The following CHCHD3 variants were observed in gnomAD, a reference collection of about 807,000 sequenced individuals.
CHCHD3 encodes coiled-coil-helix-coiled-coil-helix domain containing 3.
Under a neutral mutation model 38.2 loss-of-function variants are expected in CHCHD3, and 20 were observed. The observed-to-expected ratio is 0.52, with a 90% CI of 0.37 to 0.76. CHCHD3 has a LOEUF of 0.76. Ranked by LOEUF, CHCHD3 falls within the 30% of genes least tolerant of loss-of-function variation. CHCHD3 has a pLI of 0.00. For missense variants in CHCHD3, 245 were observed against 279.2 expected (o/e 0.88, Z 0.87); for synonymous variants, 82 against 100.0 (o/e 0.82, Z 1.07).
At chr7:132,887,408 T>G (rs1353864805) in intron 4 of CHCHD3, among the ~76,000 whole-genome samples, 4 of 151,342 alleles carry the variant, frequency 2.6e-5, no homozygotes, top group Non-Finnish European at 5.9e-5. Flanking sequence ...AAAGACCTCT[T>G]TAAATTCAAC....
chr7:132,942,099 C>T (rs577219841), intron 4 of CHCHD3, among the ~76,000 whole-genome samples: 22 of 152,044 alleles, frequency 1.4e-4, no homozygotes, highest in Admixed American at 5.2e-4. Flanking sequence ...CCTGCTGGGT[C>T]CCTATACAAT....
intron 4 of CHCHD3, among the ~76,000 whole-genome samples, chr7:132,957,164 A>T (rs1464259561): frequency 2.0e-5 from 3 of 152,116 alleles, no homozygotes; most frequent in Admixed American, 6.5e-5. Flanking sequence ...GCTGGTTCTG[A>T]CTCTTTCGGT....
chr7:132,989,342 C>A (rs186947843), intron 3 of CHCHD3, among the ~76,000 whole-genome samples: 1 of 150,250 alleles, frequency 6.7e-6, no homozygotes. Flanking sequence ...TTTTAATTCA[C>A]AATAAAATTT....
chr7:132,802,575 A>C (rs2117038363), intron 6 of CHCHD3, among the ~76,000 whole-genome samples: 1 of 152,302 alleles, frequency 6.6e-6, no homozygotes, highest in East Asian at 1.9e-4. Flanking sequence ...GAAGTCAGAC[A>C]TTTGGTATGA....
At chr7:133,013,222 A>G (rs963779311) in intron 3 of CHCHD3, among the ~76,000 whole-genome samples, 3 of 150,714 alleles carry the variant, frequency 2.0e-5, no homozygotes, top group Non-Finnish European at 4.4e-5. Flanking sequence ...AGACAGACAT[A>G]TAATAGGTAA....
chr7:133,059,513 A>T (rs1006927984), intron 2 of CHCHD3, among the ~76,000 whole-genome samples: 1 of 152,222 alleles, frequency 6.6e-6, no homozygotes, highest in African/African-American at 2.4e-5. Context: ...TGTCAAGTCT[A>T]CACAGATGAT....
chr7:132,828,447 T>C (rs1416687518), intron 6 of CHCHD3, among the ~76,000 whole-genome samples: 2 of 152,268 alleles, frequency 1.3e-5, no homozygotes, highest in African/African-American at 4.8e-5. Context: ...AATGATGTCT[T>C]AAGATGGGCA....
At chr7:132,886,768 T>C (rs894920815) in intron 4 of CHCHD3, among the ~76,000 whole-genome samples, 1 of 151,818 alleles carries the variant, frequency 6.6e-6, no homozygotes, top group Non-Finnish European at 1.5e-5. Flanking sequence ...ATGTAAAGTG[T>C]ATACATTTCT....
At chr7:133,056,333 C>A (rs1423475727) in intron 2 of CHCHD3, among the ~76,000 whole-genome samples, 1 of 152,052 alleles carries the variant, frequency 6.6e-6, no homozygotes, top group Non-Finnish European at 1.5e-5. Flanking sequence ...AACCAATGCA[C>A]CCATCATCGC....
At chr7:132,820,444 G>A (rs1159520940) in intron 6 of CHCHD3, among the ~76,000 whole-genome samples, 1 of 152,086 alleles carries the variant, frequency 6.6e-6, no homozygotes, top group Non-Finnish European at 1.5e-5. Context: ...GGAAGGGAGG[G>A]AGGCTTCTCT....
In CHCHD3 at chr7:132,876,156, A is replaced by G. The variant is rs138496938; in HGVS notation, c.453+9506T>C. Among the ~76,000 whole-genome samples, 505 of 152,328 alleles carry G rather than the reference A, an allele frequency of 3.3e-3. 2 individuals carry two copies. Among genetic ancestry groups the G allele is most frequent in the Non-Finnish European group, 5.5e-3 (372 of 68,042 alleles). ...AATACGCATTGGCTGGTCTGCCTAA[A>G]TGAAGTACATTTGAAATTTATAAAT... On this transcript the variant is annotated intron_variant, in intron 5 of 7. Transcript: ENST00000262570.
At chr7:132,837,094 CATCTTCTTT>C (rs1807804980) in intron 6 of CHCHD3, among the ~76,000 whole-genome samples, 2 of 152,178 alleles carry the variant, frequency 1.3e-5, no homozygotes, top group South Asian at 4.1e-4. Flanking sequence ...ACTAAAAAGT[CATCTTCTTT>C]ATGAAAACTT....
intron 6 of CHCHD3, among the ~76,000 whole-genome samples, chr7:132,804,725 T>G (rs889317803): frequency 6.6e-6 from 1 of 152,214 alleles, no homozygotes; most frequent in African/African-American, 2.4e-5. Flanking sequence ...TTTTTTCTAC[T>G]ACATTTTAAA....
chr7:132,892,150 T>A (rs951850207), intron 4 of CHCHD3, among the ~76,000 whole-genome samples: 1 of 152,120 alleles, frequency 6.6e-6, no homozygotes, highest in Non-Finnish European at 1.5e-5. Context: ...TTGGGACAAT[T>A]TGGAGATCTC....
At chr7:132,840,387 C>T (rs6467447) in intron 5 of CHCHD3, among the ~76,000 whole-genome samples, 105,775 of 152,126 alleles carry the variant, frequency 0.7, 37,503 homozygotes, top group African/African-American at 0.81. Context: ...GAACTATCTA[C>T]TAAAATGCTG....
chr7:132,895,531 C>T (rs1490982253), intron 4 of CHCHD3, among the ~76,000 whole-genome samples: 1 of 152,248 alleles, frequency 6.6e-6, no homozygotes, highest in African/African-American at 2.4e-5. Flanking sequence ...TAAATCTCAT[C>T]TTGAATTGTA....
intron 2 of CHCHD3, among the ~76,000 whole-genome samples, chr7:133,028,856 G>A (rs1162867222): frequency 1.7e-4 from 25 of 150,710 alleles, no homozygotes; most frequent in Admixed American, 1.7e-3. Context: ...CTGCACTCCG[G>A]CCTGGGCGAC....
intron 4 of CHCHD3, among the ~76,000 whole-genome samples, chr7:132,902,256 G>A (rs137864577): frequency 0.016 from 2,429 of 152,324 alleles, 16 homozygotes; most frequent in Non-Finnish European, 0.023. Context: ...GGAAGACAGT[G>A]TGGCGATTCC....
chr7:132,790,480 T>C (rs1441811166), intron 7 of CHCHD3, among the ~76,000 whole-genome samples: 1 of 152,174 alleles, frequency 6.6e-6, no homozygotes, highest in East Asian at 1.9e-4. Context: ...GAGGTTGGGA[T>C]AGGAAATTTA....
Sources: allele counts gnomAD v4.1 joint callset (sites outside exome capture counted in the v4.1 genomes callset), GRCh38; gene constraint gnomAD v4.1.1; transcripts MANE v1.5; gene names NCBI Gene and HGNC (gene_info 2026-07-23, HGNC 2026-07-21).